The following SORCS3 variants were observed in gnomAD, a reference collection of about 807,000 sequenced individuals.
SORCS3 encodes the protein VPS10 domain-containing receptor SorCS3.
In SORCS3, 57 loss-of-function variants were observed where a neutral mutation model predicts 146.3. That is an observed-to-expected ratio of 0.39 (90% CI 0.31 to 0.49). The LOEUF (loss-of-function observed/expected upper bound fraction) is 0.49. SORCS3 is among the 20% of genes least tolerant of loss of function. SORCS3 has a pLI of 0.92. For missense variants in SORCS3, 1,341 were observed against 1,575.5 expected, an observed-to-expected ratio of 0.85 and a Z score of 2.52; for synonymous variants, 653 against 618.5, an observed-to-expected ratio of 1.06 and a Z score of -0.83.
rs137926645 is a variant in SORCS3, at chr10:104,951,408, C to T, written c.796-25927C>T. ...AGTACAGTGGTGTGATTATAGCTCA[C>T]TATAACCTCTAGCTCCTGGGCCCAA... On this transcript the variant is annotated intron_variant, in intron 3 of 26. Transcript: ENST00000369701. 9.8e-3 allele frequency among the ~76,000 whole-genome samples: 1,499 copies of T among 152,246 alleles called. 23 individuals carry two copies. Among genetic ancestry groups the T allele is most frequent in the Non-Finnish European group, 0.014 (923 of 68,020 alleles).
intron 1 of SORCS3, among the ~76,000 whole-genome samples, chr10:104,708,650 A>G (rs1426895559): frequency 6.6e-6 from 1 of 152,102 alleles, no homozygotes; most frequent in African/African-American, 2.4e-5. Context: ...AAATCTCCCA[A>G]AACTTGCTAG....
chr10:104,820,781 A>G (rs1036650889), intron 1 of SORCS3, among the ~76,000 whole-genome samples: 1 of 152,248 alleles, frequency 6.6e-6, no homozygotes, highest in African/African-American at 2.4e-5. Flanking sequence ...AGAAGATAAA[A>G]TATTAGTATT....
intron 4 of SORCS3, among the ~76,000 whole-genome samples, chr10:105,025,918 C>T (rs1014848743): frequency 6.6e-6 from 1 of 151,404 alleles, no homozygotes; most frequent in Non-Finnish European, 1.5e-5. Flanking sequence ...TCTTGACACC[C>T]TCACAACTCA....
At chr10:105,187,110 T>C (rs1485785068) in intron 14 of SORCS3, among the ~76,000 whole-genome samples, 1 of 152,200 alleles carries the variant, frequency 6.6e-6, no homozygotes, top group East Asian at 1.9e-4. Flanking sequence ...CAAAGTTGTT[T>C]GGACTAGGAT....
At chr10:105,030,997 T>TA (rs1370944886) in intron 4 of SORCS3, among the ~76,000 whole-genome samples, 1 of 151,686 alleles carries the variant, frequency 6.6e-6, no homozygotes, top group South Asian at 2.1e-4. Flanking sequence ...CAAGTACCTT[T>TA]AAAACATGTA....
At chr10:104,784,916 C>G (rs1004271295) in intron 1 of SORCS3, among the ~76,000 whole-genome samples, 12 of 152,222 alleles carry the variant, frequency 7.9e-5, no homozygotes, top group African/African-American at 2.9e-4. Context: ...TGCTATTCCA[C>G]AAAGCCGCCA....
At chr10:104,854,485 G>T (rs1022194887) in intron 2 of SORCS3, among the ~76,000 whole-genome samples, 2 of 152,092 alleles carry the variant, frequency 1.3e-5, no homozygotes, top group Admixed American at 6.6e-5. Context: ...AGTCCCCCTC[G>T]ATATTTTGCA....
intron 1 of SORCS3, among the ~76,000 whole-genome samples, chr10:104,727,500 G>A (rs2016650601): frequency 6.6e-6 from 1 of 150,388 alleles, no homozygotes; most frequent in African/African-American, 2.5e-5. Flanking sequence ...GGATCTTATA[G>A]TACATATAGT....
At chr10:104,872,661 G>A (rs1291984513) in intron 2 of SORCS3, among the ~76,000 whole-genome samples, 2 of 149,138 alleles carry the variant, frequency 1.3e-5, no homozygotes, top group South Asian at 4.2e-4. Context: ...AATAACAAAG[G>A]CGAGTGAAGG....
rs147635541 is a variant in SORCS3, at chr10:105,060,767, G to A, written c.1028+17639G>A. Among the ~76,000 whole-genome samples, 1,083 of 152,026 alleles carry A rather than the reference G, an allele frequency of 7.1e-3. 16 individuals are homozygous for A. The highest frequency in any genetic ancestry group is 0.025 in the African/African-American group (1,021 of 41,476). ...AGCCTGACCAACATGGAGAAACCCCGTCTCTATTAAAAATATAAAATTAGC... is the reference window on the plus strand; with the variant it reads ...AGCCTGACCAACATGGAGAAACCCCATCTCTATTAAAAATATAAAATTAGC... On this transcript the variant is annotated intron_variant, in intron 5 of 26. Transcript: ENST00000369701.
At chr10:104,940,543 T>C (rs1241386789) in intron 3 of SORCS3, among the ~76,000 whole-genome samples, 1 of 151,828 alleles carries the variant, frequency 6.6e-6, no homozygotes, top group Non-Finnish European at 1.5e-5. Flanking sequence ...GGTTTCCAGC[T>C]TCATCCATGT....
chr10:104,929,919 G>A (rs1333208039), intron 3 of SORCS3, among the ~76,000 whole-genome samples: 1 of 152,116 alleles, frequency 6.6e-6, no homozygotes, highest in Admixed American at 6.5e-5. Context: ...AGAACAAACA[G>A]GGAAACATGA....
chr10:104,643,719 T>G (rs971151247), intron 1 of SORCS3, among the ~76,000 whole-genome samples: 2 of 151,374 alleles, frequency 1.3e-5, no homozygotes, highest in Non-Finnish European at 2.9e-5. Context: ...GGTGTGTGTG[T>G]GTGTGTGTGT....
intron 1 of SORCS3, among the ~76,000 whole-genome samples, chr10:104,758,947 G>T (rs2017089816): frequency 6.6e-6 from 1 of 152,132 alleles, no homozygotes; most frequent in Non-Finnish European, 1.5e-5. Context: ...CTTGAATTGT[G>T]TCTCCCTAGA....
chr10:104,743,862 T>A (rs1479728583), intron 1 of SORCS3, among the ~76,000 whole-genome samples: 1 of 152,210 alleles, frequency 6.6e-6, no homozygotes, highest in African/African-American at 2.4e-5. Flanking sequence ...ATCCTTTTAT[T>A]CAGGCATCCG....
chr10:105,241,715 T>C (rs1428428741), intron 20 of SORCS3, among the ~76,000 whole-genome samples: 2 of 152,140 alleles, frequency 1.3e-5, no homozygotes, highest in African/African-American at 4.8e-5. Flanking sequence ...ATCTCCTCCC[T>C]GACTTCAAGT....
rs1297107177 is a variant in SORCS3 at position 105,065,856 on chromosome 10, C to T, written c.1028+22728C>T. Reference sequence around the variant, plus strand: ...TACATATATTTGATGTTTGTTCTTTCCTAATCCATTTAAGTCCCATCAAAT... The same window carrying T: ...TACATATATTTGATGTTTGTTCTTTTCTAATCCATTTAAGTCCCATCAAAT... On this transcript the variant is annotated intron_variant, in intron 5 of 26. Transcript: ENST00000369701. Among the ~76,000 whole-genome samples the T allele has an allele frequency of 2.0e-5, 3 of 152,154 alleles. No individual in the cohort carries two copies. In the East Asian group the frequency reaches 5.8e-4, roughly 29 times the overall value.
At chr10:104,835,116 C>T (rs540833258) in intron 1 of SORCS3, among the ~76,000 whole-genome samples, 1 of 152,114 alleles carries the variant, frequency 6.6e-6, no homozygotes, top group East Asian at 1.9e-4. Context: ...TTCTGGACAC[C>T]CAGTTGGTGT....
chr10:104,777,083 G>T (rs1470054956), intron 1 of SORCS3, among the ~76,000 whole-genome samples: 1 of 152,122 alleles, frequency 6.6e-6, no homozygotes, highest in Non-Finnish European at 1.5e-5. Context: ...GCAGGTATCT[G>T]TGGCTATTCC....
Sources: gnomAD v4.1 joint callset for allele counts (sites outside exome capture counted in the v4.1 genomes callset) on GRCh38, gnomAD v4.1.1 for gene constraint, MANE v1.5 for transcripts, NCBI Gene and HGNC (gene_info 2026-07-23, HGNC 2026-07-21) for gene names.